The following DPY19L2 variants were observed in gnomAD, a reference collection of about 807,000 sequenced individuals.
DPY19L2 encodes probable C-mannosyltransferase DPY19L2.
Under a neutral mutation model 97.9 loss-of-function variants are expected in DPY19L2, and 34 were observed. That is an observed-to-expected ratio of 0.35 (90% CI 0.26 to 0.46). The LOEUF (loss-of-function observed/expected upper bound fraction) is 0.46. Among genes scored for constraint, DPY19L2 ranks in the 20% least tolerant of loss-of-function variants. The probability of loss-of-function intolerance (pLI) is 1.00; values close to 1 mark genes in which losing one functional copy is unlikely to be tolerated. For synonymous variants in DPY19L2, 230 were observed against 307.9 expected (o/e 0.75, Z 2.65); for missense variants, 623 against 911.4 (o/e 0.68, Z 4.07).
intron 5 of DPY19L2, among the ~76,000 whole-genome samples, chr12:63,646,870 T>C (rs897303635): frequency 3.9e-5 from 6 of 152,312 alleles, no homozygotes; most frequent in African/African-American, 1.2e-4. Context: ...TATGTATGCA[T>C]AATTAAATTT....
rs1198361160 is a variant in DPY19L2, at chr12:63,580,742, T to A, written c.1820A>T (p.Asn607Ile). The A allele has an allele frequency of 9.9e-6, 16 of 1,613,536 alleles. No homozygotes were observed. The highest frequency in any genetic ancestry group is 1.3e-5 in the Non-Finnish European group (15 of 1,179,660). The change falls in exon 19 of 22, where the codon AAT becomes ATT. Residue 607 changes from asparagine (N) to isoleucine (I), a missense_variant. Asn to Ile is a moderately radical substitution (Grantham distance 149). Coordinates refer to ENST00000324472, the MANE Select transcript of DPY19L2 (RefSeq NM_173812.5). ...MSIQGYANLR[N>I]QWSIIGEFNN... Reference sequence around the variant, plus strand: ...AAATTCTCCTATTATGCTCCATTGATTACGGAGGTTTGCATAACCTTGTAT... The same window carrying A: ...AAATTCTCCTATTATGCTCCATTGAATACGGAGGTTTGCATAACCTTGTAT...
intron 16 of DPY19L2, among the ~76,000 whole-genome samples, chr12:63,588,158 A>G (rs1240214114): frequency 2.0e-5 from 3 of 152,222 alleles, no homozygotes; most frequent in Non-Finnish European, 4.4e-5. Context: ...AATAAAATGG[A>G]GAACAACCTT....
At chr12:63,637,557 A>G (rs1374646870) in intron 6 of DPY19L2, among the ~76,000 whole-genome samples, 2 of 152,140 alleles carry the variant, frequency 1.3e-5, no homozygotes, top group Non-Finnish European at 2.9e-5. Context: ...AGAAATACAA[A>G]CTACCATCAG....
intron 7 of DPY19L2, among the ~76,000 whole-genome samples, chr12:63,625,451 A>G (rs1197521912): frequency 1.3e-5 from 2 of 152,154 alleles, no homozygotes; most frequent in African/African-American, 4.8e-5. Context: ...AACATATTAA[A>G]TGTATTGCTC....
intron 18 of DPY19L2, among the ~76,000 whole-genome samples, chr12:63,581,345 T>G (rs1346386428): frequency 6.6e-6 from 1 of 152,084 alleles, no homozygotes; most frequent in Non-Finnish European, 1.5e-5. Context: ...TTTTGTATGT[T>G]AGATAACAGT....
At chr12:63,654,755 A>C (rs1894741574) in intron 4 of DPY19L2, among the ~76,000 whole-genome samples, 1 of 152,144 alleles carries the variant, frequency 6.6e-6, no homozygotes, top group South Asian at 2.1e-4. Context: ...GTCATCGTTA[A>C]ATTATTTTTT....
intron 6 of DPY19L2, among the ~76,000 whole-genome samples, chr12:63,638,596 C>A (rs929848112): frequency 6.6e-6 from 1 of 152,132 alleles, no homozygotes; most frequent in East Asian, 1.9e-4. Context: ...CATGAGTGAA[C>A]TCCCATTCAC....
upstream of DPY19L2, chr12:63,668,524 C>T (rs1386964742): frequency 2.1e-6 from 2 of 957,452 alleles, no homozygotes; most frequent in Admixed American, 5.8e-5. Context: ...ACCTCCCGGT[C>T]GTCATGGCGA....
At chr12:63,650,874 T>A (rs1894112986) in intron 4 of DPY19L2, among the ~76,000 whole-genome samples, 2 of 151,728 alleles carry the variant, frequency 1.3e-5, no homozygotes, top group African/African-American at 2.4e-5. Context: ...TCAACATAAA[T>A]AAGGTTAAAA....
chr12:63,594,652 CT>C (rs1883887789), intron 15 of DPY19L2, among the ~76,000 whole-genome samples: 8 of 111,886 alleles, frequency 7.2e-5, no homozygotes, highest in African/African-American at 2.2e-4. Flanking sequence ...GTGTGCGTGT[CT>C]GTGTGTGTGT....
rs1424179623 is a variant in DPY19L2, at chr12:63,559,755, G to C, written c.*757C>G. 1.3e-5 allele frequency: 2 copies of C among 151,994 alleles called. No homozygotes were observed. Among genetic ancestry groups the C allele is most frequent in the Admixed American group, 6.6e-5 (1 of 15,264 alleles). 9.4% of individuals were successfully genotyped at this position (151,994 alleles called of 1,614,324 possible). ...TGATTATGTTTAACCCCAAAACTTG[G>C]TTGTATACCATAGCAGTTTCTGTTT... On this transcript the variant is annotated 3_prime_UTR_variant, in exon 22 of 22. Coordinates refer to ENST00000324472, the MANE Select transcript of DPY19L2 (RefSeq NM_173812.5).
chr12:63,566,330 G>A (rs569490227), intron 21 of DPY19L2, among the ~76,000 whole-genome samples: 114 of 151,948 alleles, frequency 7.5e-4, no homozygotes, highest in Non-Finnish European at 1.3e-3. Context: ...CTCCACCATG[G>A]TAACATTTTG....
chr12:63,646,195 C>G (rs4044865), intron 5 of DPY19L2, among the ~76,000 whole-genome samples: 4 of 152,106 alleles, frequency 2.6e-5, no homozygotes, highest in Admixed American at 2.6e-4. Context: ...TAAGGCCCCA[C>G]GTCTAGCTGG....
Position 63,582,411 on chromosome 12 carries a change from G to A in DPY19L2, c.1720C>T (p.Arg574Ter). 1.9e-6 allele frequency: 3 copies of A among 1,612,136 alleles called. No homozygotes were observed. Among genetic ancestry groups the A allele is most frequent in the South Asian group, 1.1e-5 (1 of 90,562 alleles). Residue 574 changes from arginine to a stop codon, truncating the protein, a stop_gained, in exon 18 of 22, where the codon CGA becomes TGA. Transcript: ENST00000324472. LOFTEE classifies it high-confidence loss of function. Reference protein sequence around the residue: ...MCVMASLICSRQLFGWLFRRV... With the variant: ...MCVMASLICS ...TACAAGAATGAATCCCTTACCTGTC[G>A]AGAGCATATCAAGGAAGCCATAACA... is the stretch of plus-strand genomic sequence containing the variant.
chr12:63,561,888 C>T (rs539424551), intron 21 of DPY19L2, among the ~76,000 whole-genome samples: 10 of 152,262 alleles, frequency 6.6e-5, no homozygotes, highest in Admixed American at 5.2e-4. Flanking sequence ...AGAGTAGATG[C>T]GCCATTTTCC....
chr12:63,606,647 T>C (rs552897889), intron 12 of DPY19L2, among the ~76,000 whole-genome samples: 2 of 152,268 alleles, frequency 1.3e-5, no homozygotes, highest in African/African-American at 4.8e-5. Flanking sequence ...TTTACACTTT[T>C]GTGTGTAAGG....
In DPY19L2 at chr12:63,663,712, G is replaced by A. The variant is rs148770096; in HGVS notation, c.450+46C>T. 0.011 allele frequency: 17,187 copies of A among 1,497,896 alleles called. 138 individuals are homozygous for A. Among genetic ancestry groups the A allele is most frequent in the Middle Eastern group, 0.024 (139 of 5,860 alleles). 92.8% of individuals were successfully genotyped at this position (1,497,896 alleles called of 1,614,324 possible). A position where few individuals can be genotyped will look rare whatever the true frequency, so the allele number is the denominator to read the frequency against. ...TAATACATTTCTACCTCATAGTCTC[G>A]CTATTCTTAAACCACAAATTAATTC... On this transcript the variant is annotated intron_variant, in intron 3 of 21. Transcript: ENST00000324472.
intron 21 of DPY19L2, among the ~76,000 whole-genome samples, chr12:63,563,175 A>G (rs1424400621): frequency 6.6e-6 from 1 of 152,136 alleles, no homozygotes; most frequent in African/African-American, 2.4e-5. Context: ...AAAGTCCTTT[A>G]TCAGACATAG....
chr12:63,634,463 G>A (rs1161504159), intron 6 of DPY19L2, among the ~76,000 whole-genome samples: 1 of 152,054 alleles, frequency 6.6e-6, no homozygotes, highest in Admixed American at 6.5e-5. Flanking sequence ...AGTGGGTGCA[G>A]CCCACGGAGC....
Sources: allele counts gnomAD v4.1 joint callset (sites outside exome capture counted in the v4.1 genomes callset), GRCh38; gene constraint gnomAD v4.1.1; transcripts MANE v1.5; gene names NCBI Gene and HGNC (gene_info 2026-07-23, HGNC 2026-07-21).